Variants in PCLO observed in about 807,000 individuals in gnomAD.
The protein encoded by PCLO is piccolo presynaptic cytomatrix protein.
Under a neutral mutation model 427.5 loss-of-function variants are expected in PCLO, and 82 were observed. That is an observed-to-expected ratio of 0.19 (90% CI 0.16 to 0.23). The LOEUF (loss-of-function observed/expected upper bound fraction) is 0.23. PCLO is among the 10% of genes least tolerant of loss of function. The pLI is 1.00. For missense variants in PCLO, 6,239 were observed against 6,115.9 expected, an observed-to-expected ratio of 1.02 and a Z score of -0.67; for synonymous variants, 2,357 against 2,155.4, an observed-to-expected ratio of 1.09 and a Z score of -2.59.
intron 6 of PCLO, among the ~76,000 whole-genome samples, chr7:82,928,272 A>C (rs772390487): frequency 6.6e-6 from 1 of 152,206 alleles, no homozygotes; most frequent in Non-Finnish European, 1.5e-5. Flanking sequence ...CAAAAGAATA[A>C]TGTCCTTGCA....
intron 3 of PCLO, among the ~76,000 whole-genome samples, chr7:82,967,271 G>A (rs1252223626): frequency 6.6e-6 from 1 of 150,592 alleles, no homozygotes. Flanking sequence ...CACCTCCTGG[G>A]TTCAAGCGAT....
rs562071371 is a variant in PCLO, at chr7:82,949,452, C to T, written c.11112+24G>A. 5 of 1,517,968 alleles carry T rather than the reference C, an allele frequency of 3.3e-6. No homozygotes were observed. In the South Asian group the frequency reaches 5.2e-5, roughly 16 times the overall value. 94.0% of individuals were successfully genotyped at this position (1,517,968 alleles called of 1,614,324 possible). ...TGATTAATAACTCATCCATTGCCTT[C>T]CAACTGAAAAGAATCACTCTTACCG... is the stretch of plus-strand genomic sequence containing the variant. On this transcript the variant is annotated intron_variant, in intron 6 of 24. Transcript: ENST00000333891.
chr7:82,963,363 T>C (rs1198061740), intron 4 of PCLO, among the ~76,000 whole-genome samples: 2 of 152,090 alleles, frequency 1.3e-5, no homozygotes, highest in Non-Finnish European at 1.5e-5. Flanking sequence ...TTTCTGATAG[T>C]TAACAAACAC....
chr7:82,908,691 T>A (rs2116228956), intron 8 of PCLO, among the ~76,000 whole-genome samples, 186 bp downstream of exon 8: 1 of 152,260 alleles, frequency 6.6e-6, no homozygotes, highest in Non-Finnish European at 1.5e-5. Flanking sequence ...ATCACAGCTA[T>A]GCTCCATTTT....
intron 22 of PCLO, among the ~76,000 whole-genome samples, chr7:82,764,919 A>T (rs972447432): frequency 1.3e-5 from 2 of 152,078 alleles, no homozygotes; most frequent in African/African-American, 4.8e-5. Context: ...TAATCAATAA[A>T]GTAGATCTCA....
At position 82,754,791 on chromosome 7, in the gene PCLO, T is replaced by C. The variant is rs999410220; in HGVS notation, c.*3784A>G. 3.9e-5 allele frequency: 6 copies of C among 152,088 alleles called. No individual in the cohort carries two copies. The highest frequency in any genetic ancestry group is 1.4e-4 in the African/African-American group (6 of 41,448). The allele number at this position is 152,088 out of a possible 1,614,324, so 9.4% of individuals were successfully genotyped here. A position where few individuals can be genotyped will look rare whatever the true frequency, so the allele number is the denominator to read the frequency against. On this transcript the variant is annotated 3_prime_UTR_variant, in exon 25 of 25. Coordinates refer to ENST00000333891, the MANE Select transcript of PCLO (RefSeq NM_033026.6). ...GGCAAGTAATTATTAAATAAATAGC[T>C]CATAATTATTCATTGAGTCTTCTTT...
Position 82,955,709 on chromosome 7 carries a change from T to C in PCLO, c.5244A>G (p.Lys1748=). The C allele has an allele frequency of 6.2e-7, 1 of 1,613,990 alleles. No homozygotes were observed. The highest frequency in any genetic ancestry group is 2.2e-5 in the East Asian group (1 of 44,872). Reference sequence around the variant, plus strand: ...TGCGTTGCTGTTTGCTCTCTCCTTTTTTGTGACTCGGGCTACTGTCACTGT... The same window carrying C: ...TGCGTTGCTGTTTGCTCTCTCCTTTCTTGTGACTCGGGCTACTGTCACTGT... ...DEDSDSSPSH[K]KGESKQQRKA... The change falls in exon 5 of 25, where the codon AAA becomes AAG. Residue 1748 remains lysine, a synonymous_variant. Coordinates refer to ENST00000333891, the MANE Select transcript of PCLO (RefSeq NM_033026.6).
intron 3 of PCLO, among the ~76,000 whole-genome samples, chr7:83,069,799 C>CCCCCCCCCCACACA (rs1554390635): frequency 1.3e-5 from 1 of 75,512 alleles, no homozygotes; most frequent in Non-Finnish European, 2.4e-5. Flanking sequence ...ACCCCCCCGC[C>CCCCCCCCCCACACA]CACACACACA....
chr7:83,079,936 T>C (rs967217515), intron 3 of PCLO, among the ~76,000 whole-genome samples: 2 of 152,040 alleles, frequency 1.3e-5, no homozygotes, highest in African/African-American at 4.8e-5. Flanking sequence ...TGTGTTCTCA[T>C]TTTTCAGCTC....
chr7:82,922,565 C>A (rs1395455658), intron 6 of PCLO, among the ~76,000 whole-genome samples: 2 of 151,870 alleles, frequency 1.3e-5, no homozygotes, highest in African/African-American at 4.8e-5. Context: ...AAGAAGGGAA[C>A]AATAGACACT....
At chr7:82,832,404 A>C (rs1180758772) in intron 16 of PCLO, among the ~76,000 whole-genome samples, 1 of 151,166 alleles carries the variant, frequency 6.6e-6, no homozygotes, top group East Asian at 1.9e-4. Context: ...GACACCCACC[A>C]CCATGCCCGG....
chr7:83,101,006 C>G (rs1291845891), intron 3 of PCLO, among the ~76,000 whole-genome samples: 2 of 151,912 alleles, frequency 1.3e-5, no homozygotes, highest in Non-Finnish European at 2.9e-5. Flanking sequence ...ACATAAAATA[C>G]TTAGCCATTT....
intron 18 of PCLO, among the ~76,000 whole-genome samples, chr7:82,824,963 T>TAAAA: frequency 6.6e-6 from 1 of 151,818 alleles, no homozygotes; most frequent in East Asian, 1.9e-4. Context: ...AACAAACAAA[T>TAAAA]AAACAAACAA....
At chr7:82,938,627 T>A in intron 6 of PCLO, among the ~76,000 whole-genome samples, 1 of 151,966 alleles carries the variant, frequency 6.6e-6, no homozygotes, top group East Asian at 1.9e-4. Context: ...CAAAAACATT[T>A]ACTTAAAGAC....
At chr7:82,988,592 A>C (rs1303844701) in intron 3 of PCLO, among the ~76,000 whole-genome samples, 1 of 152,046 alleles carries the variant, frequency 6.6e-6, no homozygotes, top group East Asian at 1.9e-4. Context: ...ATTATTTTTA[A>C]AAATATCTTG....
At position 82,955,580 on chromosome 7, in the gene PCLO, C is replaced by T. The variant is rs377108730; in HGVS notation, c.5373G>A (p.Lys1791=). The T allele has an allele frequency of 1.2e-5, 20 of 1,613,816 alleles. No homozygotes were observed. The highest frequency in any genetic ancestry group is 4.0e-5 in the African/African-American group (3 of 74,894). The change falls in exon 5 of 25, where the codon AAG becomes AAA. Residue 1791 remains lysine, a synonymous_variant. Transcript: ENST00000333891. ...EEEELLKEQE[K]QREIEQQQRK... is the part of the protein sequence containing the mutation. ...TTTGTTGCTGTTCTATTTCCCTCTG[C>T]TTTTCTTGCTCCTTTAATAATTCTT...
At chr7:83,128,697 A>T (rs10279484) in intron 3 of PCLO, among the ~76,000 whole-genome samples, 74,673 of 151,916 alleles carry the variant, frequency 0.49, 19,271 homozygotes, top group East Asian at 0.69. Flanking sequence ...CATGGAGTAA[A>T]GTCTTTGCAT....
chr7:83,122,616 A>G (rs975669853), intron 3 of PCLO, among the ~76,000 whole-genome samples: 2 of 152,138 alleles, frequency 1.3e-5, no homozygotes, highest in Non-Finnish European at 2.9e-5. Flanking sequence ...CTGTTATTCA[A>G]CGTAGTACTG....
chr7:83,116,248 G>A (rs1156690561), intron 3 of PCLO, among the ~76,000 whole-genome samples: 1 of 135,840 alleles, frequency 7.4e-6, no homozygotes, highest in Non-Finnish European at 1.6e-5. Context: ...CACAAATCTG[G>A]CTGACTAGGA....
Sources: allele counts gnomAD v4.1 joint callset (sites outside exome capture counted in the v4.1 genomes callset), GRCh38; gene constraint gnomAD v4.1.1; transcripts MANE v1.5; gene names NCBI Gene and HGNC (gene_info 2026-07-23, HGNC 2026-07-21).